LMBR1: variants seen among roughly 807,000 people sequenced by gnomAD.
The protein encoded by LMBR1 is limb region 1 protein homolog.
In LMBR1, 52 loss-of-function variants were observed where a neutral mutation model predicts 73.9. That is an observed-to-expected ratio of 0.70 (90% CI 0.56 to 0.89). LMBR1 has a LOEUF of 0.89. Ranked by LOEUF, LMBR1 falls within the 40% of genes least tolerant of loss-of-function variation. The pLI is 0.00. For synonymous variants in LMBR1, 215 were observed against 209.4 expected (o/e 1.03, Z -0.23); for missense variants, 539 against 579.8 (o/e 0.93, Z 0.72).
chr7:156,677,500 A>G (rs1804287566), downstream of LMBR1, among the ~76,000 whole-genome samples: 1 of 152,126 alleles, frequency 6.6e-6, no homozygotes, highest in African/African-American at 2.4e-5. Flanking sequence ...GCAGGAGGAC[A>G]TTGTTCCAGG....
downstream of LMBR1, chr7:156,676,944 TA>T: frequency 2.9e-6 from 1 of 349,818 alleles, no homozygotes; most frequent in Admixed American, 4.2e-5. Context: ...AAGATATAGC[TA>T]GTGTCTGAAC....
intron 2 of LMBR1, 42 bp downstream of exon 2, chr7:156,836,771 T>C: frequency 7.9e-7 from 1 of 1,272,970 alleles, no homozygotes; most frequent in Non-Finnish European, 1.1e-6. Flanking sequence ...CTAGACCATG[T>C]GGCATTCTAA....
chr7:156,709,896 ATTT>A lies in LMBR1; in HGVS notation c.1225+14213_1225+14215del, dbSNP rs34487923. 5.0e-3 allele frequency among the ~76,000 whole-genome samples: 451 copies of A among 90,244 alleles called. 2 individuals are homozygous for A. The highest frequency in any genetic ancestry group is 0.02 in the African/African-American group (426 of 20,800). 59.2% of individuals were successfully genotyped at this position (90,244 alleles called of 152,430 possible). On this transcript the variant is annotated intron_variant, in intron 15 of 16. Coordinates refer to ENST00000353442, the MANE Select transcript of LMBR1 (RefSeq NM_022458.4). ...GCCAGTTAAAGAATTCAGAAGGTTGATTTTTTTTTTTTTTTTTTTTTTTTTTGA... is the reference window on the plus strand; with the variant it reads ...GCCAGTTAAAGAATTCAGAAGGTTGATTTTTTTTTTTTTTTTTTTTTTTGA...
intron 1 of LMBR1, among the ~76,000 whole-genome samples, chr7:156,837,116 G>C (rs1205466358): frequency 1.3e-5 from 2 of 151,566 alleles, no homozygotes; most frequent in Non-Finnish European, 2.9e-5. Flanking sequence ...CTGAGGTCAG[G>C]AGTTTGAGAC....
rs781634358 is a variant in LMBR1 at position 156,681,276 on chromosome 7, G to A, written c.*2802C>T. The A allele has an allele frequency of 7.2e-6, 3 of 415,524 alleles. No individual in the cohort carries two copies. Among genetic ancestry groups the A allele is most frequent in the Admixed American group, 3.4e-5 (1 of 29,426 alleles). 25.7% of individuals were successfully genotyped at this position (415,524 alleles called of 1,614,324 possible). A position where few individuals can be genotyped will look rare whatever the true frequency, so the allele number is the denominator to read the frequency against. On this transcript the variant is annotated 3_prime_UTR_variant, in exon 17 of 17. Transcript: ENST00000353442. ...GCACTGCCGCTGAGAGCAGGTACACGTGCGCCTTTAACACATCTGAGAGCA... is the reference window on the plus strand; with the variant it reads ...GCACTGCCGCTGAGAGCAGGTACACATGCGCCTTTAACACATCTGAGAGCA...
At chr7:156,779,380 GT>G (rs1326876954) in intron 5 of LMBR1, among the ~76,000 whole-genome samples, 2 of 152,302 alleles carry the variant, frequency 1.3e-5, no homozygotes, top group South Asian at 4.1e-4. Context: ...AACATGAGTT[GT>G]TTTGAGTAAG....
chr7:156,784,614 A>G (rs1417433094), intron 5 of LMBR1, among the ~76,000 whole-genome samples: 1 of 152,230 alleles, frequency 6.6e-6, no homozygotes, highest in Non-Finnish European at 1.5e-5. Context: ...GGAGAACTTG[A>G]GGAGCGCAGA....
intron 1 of LMBR1, chr7:156,872,089 C>G (rs6968944): frequency 1.3e-5 from 2 of 151,984 alleles, no homozygotes; most frequent in South Asian, 4.1e-4. Flanking sequence ...GCTTTGAACA[C>G]TGGCAGTATC....
chr7:156,805,421 G>C (rs1375091486), intron 4 of LMBR1, among the ~76,000 whole-genome samples: 3 of 152,026 alleles, frequency 2.0e-5, no homozygotes, highest in Non-Finnish European at 4.4e-5. Flanking sequence ...TCACCATGTT[G>C]GTCAGGCTTG....
chr7:156,885,581 G>A (rs565765077), intron 1 of LMBR1, among the ~76,000 whole-genome samples: 3 of 151,724 alleles, frequency 2.0e-5, no homozygotes, highest in East Asian at 2.0e-4. Flanking sequence ...GAAATAACCC[G>A]TCCATACAAA....
intron 4 of LMBR1, among the ~76,000 whole-genome samples, chr7:156,811,983 A>G (rs925592978): frequency 4.6e-5 from 7 of 152,006 alleles, no homozygotes; most frequent in Non-Finnish European, 8.8e-5. Context: ...GTCTTCACAC[A>G]GCTTTCTTCC....
chr7:156,736,717 A>G (rs1262863153), intron 9 of LMBR1: 1 of 391,340 alleles, frequency 2.6e-6, no homozygotes, highest in African/African-American at 2.1e-5. Context: ...TTGATATTCA[A>G]TGTCTACATT....
At chr7:156,784,300 T>C (rs1479881089) in intron 5 of LMBR1, among the ~76,000 whole-genome samples, 1 of 152,248 alleles carries the variant, frequency 6.6e-6, no homozygotes, top group African/African-American at 2.4e-5. Flanking sequence ...TTAAGAACTC[T>C]TGTCCTGCTT....
chr7:156,747,831 T>C (rs140224680), intron 9 of LMBR1: 61 of 152,330 alleles, frequency 4.0e-4, no homozygotes, highest in Middle Eastern at 3.4e-3. Context: ...TTATTTCTAA[T>C]CACTTAGGCA....
At chr7:156,855,767 T>G (rs1796874772) in intron 1 of LMBR1, among the ~76,000 whole-genome samples, 1 of 146,794 alleles carries the variant, frequency 6.8e-6, no homozygotes, top group African/African-American at 2.5e-5. Context: ...GCTACAGGAA[T>G]AAAAATGCCT....
chr7:156,833,614 T>A, intron 3 of LMBR1, 139 bp downstream of exon 3: 1 of 638,962 alleles, frequency 1.6e-6, no homozygotes, highest in Non-Finnish European at 2.7e-6. Context: ...TACATGTGCT[T>A]TCTAAAATTA....
rs201739279 is a variant in LMBR1, at chr7:156,763,788, C to T, written c.431G>A (p.Arg144Gln). The T allele has an allele frequency of 4.2e-5, 66 of 1,587,252 alleles. No individual in the cohort carries two copies. The highest frequency in any genetic ancestry group is 1.7e-4 in the Middle Eastern group (1 of 6,006). Residue 144 changes from arginine to glutamine, a missense_variant, in exon 6 of 17, where the codon CGA becomes CAA. Physicochemically the swap from Arg to Gln is conservative, Grantham distance 43 (BLOSUM62 1). Transcript: ENST00000353442. ...EGFAGLKKGI[R>Q]ARILETLVML... is the part of the protein sequence containing the mutation. ...GACCAAAGTCTCTAAAATGCGGGCT[C>T]GGATTCCCTGAAAAATAGAGTAGAA...
At chr7:156,827,208 TAGAA>T (rs966972267) in intron 3 of LMBR1, among the ~76,000 whole-genome samples, 9 of 152,072 alleles carry the variant, frequency 5.9e-5, no homozygotes, top group Admixed American at 1.3e-4. Context: ...AAAAAAAACT[TAGAA>T]AGCCATTGGC....
intron 12 of LMBR1, among the ~76,000 whole-genome samples, chr7:156,726,478 A>G (rs886923583): frequency 6.6e-6 from 1 of 152,072 alleles, no homozygotes; most frequent in Admixed American, 6.6e-5. Context: ...AAAACACAAA[A>G]AAGTTACTAT....
Sources: gnomAD v4.1 joint callset for allele counts (sites outside exome capture counted in the v4.1 genomes callset) on GRCh38, gnomAD v4.1.1 for gene constraint, MANE v1.5 for transcripts, NCBI Gene and HGNC (gene_info 2026-07-23, HGNC 2026-07-21) for gene names.